Variants in LARS1 observed in about 807,000 individuals in gnomAD.
The protein encoded by LARS1 is leucyl-tRNA synthetase 1, also known as leucine--tRNA ligase, cytoplasmic.
In LARS1, 100 loss-of-function variants were observed where a neutral mutation model predicts 162.8. The observed-to-expected ratio is 0.61, with a 90% CI of 0.52 to 0.73. The LOEUF is 0.73. Among genes scored for constraint, LARS1 ranks in the 30% least tolerant of loss-of-function variants. The pLI is 0.00. For missense variants in LARS1, 1,258 were observed against 1,408.9 expected, an observed-to-expected ratio of 0.89 and a Z score of 1.71; for synonymous variants, 457 against 462.8, an observed-to-expected ratio of 0.99 and a Z score of 0.16.
At chr5:146,152,778 A>G (rs1753352507) in intron 13 of LARS1, among the ~76,000 whole-genome samples, 1 of 152,190 alleles carries the variant, frequency 6.6e-6, no homozygotes, top group Non-Finnish European at 1.5e-5. Flanking sequence ...TCTTCTATAG[A>G]TACTAACATG....
intron 29 of LARS1, 139 bp from the exon 30 acceptor site, chr5:146,122,726 T>C (rs1222849336): frequency 1.1e-5 from 5 of 440,240 alleles, no homozygotes; most frequent in African/African-American, 8.1e-5. Flanking sequence ...ATTTTCCATA[T>C]AAATATTAAA....
chr5:146,123,033 G>C (rs914086238), intron 29 of LARS1, among the ~76,000 whole-genome samples: 2 of 151,850 alleles, frequency 1.3e-5, no homozygotes, highest in Non-Finnish European at 2.9e-5. Flanking sequence ...TGGTCCAAGT[G>C]AAAAGATCCA....
rs768936661 is a variant in LARS1, at chr5:146,120,421, T to G, written c.3275A>C (p.Asn1092Thr). The change falls in exon 31 of 32, where the codon AAC becomes ACC. Residue 1092 changes from asparagine (N) to threonine (T), a missense_variant. Transcript: ENST00000394434. ...STKIEIRQGD[N>T]CDSIIRRLMK... Reference sequence around the variant, plus strand: ...TAAACGCCTGATTATGGAATCACAGTTATCTCCTTGCCTGATTTCAATTTT... The same window carrying G: ...TAAACGCCTGATTATGGAATCACAGGTATCTCCTTGCCTGATTTCAATTTT... The G allele has an allele frequency of 1.2e-6, 2 of 1,613,482 alleles. No individual in the cohort carries two copies. The highest frequency in any genetic ancestry group is 1.7e-6 in the Non-Finnish European group (2 of 1,179,524).
intron 29 of LARS1, among the ~76,000 whole-genome samples, chr5:146,122,804 T>G (rs1344908426): frequency 1.3e-5 from 2 of 152,062 alleles, no homozygotes; most frequent in Non-Finnish European, 1.5e-5. Context: ...TATATAGTCA[T>G]GTTTATCATT....
chr5:146,143,992 ACT>A (rs1752904598), intron 18 of LARS1, among the ~76,000 whole-genome samples: 4 of 152,026 alleles, frequency 2.6e-5, no homozygotes, highest in African/African-American at 4.8e-5. Context: ...ACAGAGCAAG[ACT>A]CTGTCTCTAA....
intron 25 of LARS1, among the ~76,000 whole-genome samples, chr5:146,129,394 T>C (rs1752179884): frequency 6.6e-6 from 1 of 152,200 alleles, no homozygotes; most frequent in Admixed American, 6.6e-5. Context: ...AATTATGTAA[T>C]GCTAATTTGC....
chr5:146,116,400 C>A (rs1764212831), intron 31 of LARS1, among the ~76,000 whole-genome samples: 1 of 152,190 alleles, frequency 6.6e-6, no homozygotes, highest in Non-Finnish European at 1.5e-5. Context: ...AAACAGACCT[C>A]CCTCATCATT....
At chr5:146,160,333 A>C in intron 7 of LARS1, 41 bp downstream of exon 7, 1 of 1,160,986 alleles carries the variant, frequency 8.6e-7, no homozygotes, top group Non-Finnish European at 1.2e-6. Flanking sequence ...TCTGTGCCCA[A>C]CTGATTTTTG....
At chr5:146,176,997 A>G (rs780147490) in intron 2 of LARS1, among the ~76,000 whole-genome samples, 14 of 152,300 alleles carry the variant, frequency 9.2e-5, no homozygotes, top group Non-Finnish European at 1.9e-4. Flanking sequence ...AAACAAAACA[A>G]AACAAACTTT....
intron 29 of LARS1, among the ~76,000 whole-genome samples, 155 bp downstream of exon 29, chr5:146,123,826 AT>A (rs1269580954): frequency 6.6e-6 from 1 of 151,638 alleles, no homozygotes; most frequent in Non-Finnish European, 1.5e-5. Context: ...ATACTCACCC[AT>A]TTTTCTTCTC....
At chr5:146,131,218 T>C in intron 23 of LARS1, 109 bp from the exon 24 acceptor site, 2 of 531,408 alleles carry the variant, frequency 3.8e-6, no homozygotes, top group Non-Finnish European at 6.6e-6. Context: ...ATATACAAAT[T>C]TGAAATACTG....
At chr5:146,142,016 C>T (rs35048100) in intron 20 of LARS1, among the ~76,000 whole-genome samples, 47,488 of 151,958 alleles carry the variant, frequency 0.31, 7,997 homozygotes, top group Admixed American at 0.39. Context: ...CTAAATTAGC[C>T]AGGCGTAGTG....
intron 31 of LARS1, among the ~76,000 whole-genome samples, chr5:146,115,798 G>T (rs746557699): frequency 6.6e-6 from 1 of 152,094 alleles, no homozygotes; most frequent in Non-Finnish European, 1.5e-5. Flanking sequence ...GTGTAGCATG[G>T]CTAGTTATCC....
At position 146,126,539 on chromosome 5, in the gene LARS1, T is replaced by C. The variant is rs928988407; in HGVS notation, c.2887A>G (p.Asn963Asp). The C allele has an allele frequency of 3.1e-6, 5 of 1,608,584 alleles. No homozygotes were observed. Among genetic ancestry groups the C allele is most frequent in the Non-Finnish European group, 4.3e-6 (5 of 1,175,704 alleles). ...SVLRKHFEAN[N>D]GKLPDNKVIA... ...ACTTTGTTGTCAGGCAGTTTTCCGTTATTGGCCTAAGAAAAGGAAGGAGGG... is the reference window on the plus strand; with the variant it reads ...ACTTTGTTGTCAGGCAGTTTTCCGTCATTGGCCTAAGAAAAGGAAGGAGGG... Residue 963 changes from asparagine to aspartate, a missense_variant, in exon 28 of 32, where the codon AAC becomes GAC. Coordinates refer to ENST00000394434, the MANE Select transcript of LARS1 (RefSeq NM_020117.11).
In LARS1 at chr5:146,177,659, T is replaced by G; in HGVS notation, c.13A>C (p.Lys5Gln). The change falls in exon 2 of 32, where the codon AAA (lysine) becomes CAA (glutamine). Residue 5 changes from lysine (K) to glutamine (Q), a missense_variant. Transcript: ENST00000394434. ...AAAAAGTCCACTTTGGCTGTTCCTT[T>G]TCTTTCCTATTGGACACAAAGAGAA... The part of the protein sequence containing the change: MAER[K>Q]GTAKVDFLKK... 2 of 1,543,002 alleles carry G rather than the reference T, an allele frequency of 1.3e-6. No individual in the cohort carries two copies. Among genetic ancestry groups the G allele is most frequent in the South Asian group, 2.3e-5 (2 of 88,758 alleles).
chr5:146,130,072 G>A lies in LARS1; in HGVS notation c.2574C>T (p.Leu858=), dbSNP rs1752212512. 1.9e-6 allele frequency: 3 copies of A among 1,613,850 alleles called. No homozygotes were observed. The highest frequency in any genetic ancestry group is 2.7e-5 in the African/African-American group (2 of 74,930). ...ACAAATGTGGACAGAATGGAGCGAG[G>A]AGAAGTGTCTGAACTTCAATAAACC... ...VFRFIEVQTL[L]LAPFCPHLCE... The change falls in exon 25 of 32, where the codon CTC becomes CTT. Residue 858 remains leucine (L), a synonymous_variant. Transcript: ENST00000394434.
intron 15 of LARS1, among the ~76,000 whole-genome samples, chr5:146,149,100 T>C (rs1238335663): frequency 2.0e-5 from 3 of 151,922 alleles, no homozygotes; most frequent in Admixed American, 6.6e-5. Context: ...TGGAGATCAA[T>C]ACTAAAACGA....
rs34658033 is a variant in LARS1, at chr5:146,181,848, C to CTTTTTTTTTTTTTTTTTTTTTTT, written c.6+617_6+639dup. ...TTTACGGAGAGGCGCTCAATTTTTTCTTTTTTTTTTTTTTTTTTTTTTTTT... is the reference window on the plus strand; with the variant it reads ...TTTACGGAGAGGCGCTCAATTTTTTCTTTTTTTTTTTTTTTTTTTTTTTTTTTTTTTTTTTTTTTTTTTTTTTT... On this transcript the variant is annotated intron_variant, in intron 1 of 31. Coordinates refer to ENST00000394434, the MANE Select transcript of LARS1 (RefSeq NM_020117.11). Among the ~76,000 whole-genome samples the CTTTTTTTTTTTTTTTTTTTTTTT allele has an allele frequency of 5.7e-5, 3 of 53,040 alleles. 1 individual carries two copies. The highest frequency in any genetic ancestry group is 9.9e-5 in the Non-Finnish European group (3 of 30,310). The allele number at this position is 53,040 out of a possible 152,430, so 34.8% of individuals were successfully genotyped here. A position where few individuals can be genotyped will look rare whatever the true frequency, so the allele number is the denominator to read the frequency against.
chr5:146,165,283 A>C (rs1753955353), intron 5 of LARS1, among the ~76,000 whole-genome samples: 1 of 152,282 alleles, frequency 6.6e-6, no homozygotes, highest in Admixed American at 6.5e-5. Flanking sequence ...CAGTGAGCCG[A>C]GACTGTGCCA....
Sources: allele counts gnomAD v4.1 joint callset (sites outside exome capture counted in the v4.1 genomes callset), GRCh38; gene constraint gnomAD v4.1.1; transcripts MANE v1.5; gene names NCBI Gene and HGNC (gene_info 2026-07-23, HGNC 2026-07-21).